NPAS3: variants seen among roughly 807,000 people sequenced by gnomAD.
NPAS3 encodes the protein neuronal PAS domain-containing protein 3.
A neutral mutation model predicts 73.1 loss-of-function variants in NPAS3; 14 were observed. The observed-to-expected ratio is 0.19, with a 90% confidence interval of 0.13 to 0.30. The LOEUF is 0.30. NPAS3 is among the 10% of genes least tolerant of loss of function. The pLI is 1.00. For synonymous variants in NPAS3, 620 were observed against 541.5 expected, an observed-to-expected ratio of 1.14 and a Z score of -2.01; for missense variants, 1,096 against 1,250.0, an observed-to-expected ratio of 0.88 and a Z score of 1.86.
At chr14:33,448,411 A>G (rs925147585) in intron 4 of NPAS3, among the ~76,000 whole-genome samples, 25 of 152,200 alleles carry the variant, frequency 1.6e-4, no homozygotes, top group African/African-American at 6.0e-4. Flanking sequence ...TGAAGATTGG[A>G]AATGGCAACT....
At chr14:32,989,093 G>A (rs950830459) in intron 1 of NPAS3, among the ~76,000 whole-genome samples, 2 of 151,586 alleles carry the variant, frequency 1.3e-5, no homozygotes, top group Admixed American at 6.5e-5. Context: ...TGCTGTGGAA[G>A]AGGTAGGTAG....
chr14:33,552,081 C>T (rs905977935), intron 4 of NPAS3, among the ~76,000 whole-genome samples: 8 of 152,188 alleles, frequency 5.3e-5, no homozygotes, highest in Non-Finnish European at 1.2e-4. Flanking sequence ...TGTCTCACTC[C>T]CCTTTGTGAA....
At chr14:33,725,284 T>A (rs2061234253) in intron 6 of NPAS3, among the ~76,000 whole-genome samples, 1 of 151,840 alleles carries the variant, frequency 6.6e-6, no homozygotes, top group African/African-American at 2.4e-5. Context: ...TAAATAAATA[T>A]AAAAAATAAA....
chr14:33,612,443 T>G (rs982261127), intron 5 of NPAS3: 3 of 455,902 alleles, frequency 6.6e-6, no homozygotes, highest in African/African-American at 6.0e-5. Flanking sequence ...CACATCGACG[T>G]CCAAGCAGAT....
intron 4 of NPAS3, among the ~76,000 whole-genome samples, chr14:33,530,340 A>G (rs2140170214): frequency 6.6e-6 from 1 of 152,280 alleles, no homozygotes; most frequent in South Asian, 2.1e-4. Flanking sequence ...AGTTAGATCC[A>G]AAGCAATTTT....
intron 2 of NPAS3, among the ~76,000 whole-genome samples, chr14:33,080,894 G>A (rs1321185832): frequency 6.6e-6 from 1 of 152,166 alleles, no homozygotes; most frequent in African/African-American, 2.4e-5. Context: ...AGAGAATGTT[G>A]TTCTTTCTTT....
At chr14:33,793,208 G>A (rs373904318) in intron 9 of NPAS3, among the ~76,000 whole-genome samples, 4 of 152,316 alleles carry the variant, frequency 2.6e-5, no homozygotes, top group Non-Finnish European at 5.9e-5. Flanking sequence ...GAGTCTGTGT[G>A]GAGCTGTCAC....
chr14:33,698,798 T>TA (rs2060454757), intron 6 of NPAS3, among the ~76,000 whole-genome samples: 1 of 152,166 alleles, frequency 6.6e-6, no homozygotes, highest in South Asian at 2.1e-4. Flanking sequence ...AATTGATCTA[T>TA]AGTTAATCAA....
intron 3 of NPAS3, among the ~76,000 whole-genome samples, chr14:33,336,755 A>G (rs777330573): frequency 1.7e-4 from 26 of 152,194 alleles, no homozygotes; most frequent in Non-Finnish European, 3.5e-4. Flanking sequence ...GAGGAGATGT[A>G]CATGATCTGT....
intron 2 of NPAS3, among the ~76,000 whole-genome samples, chr14:33,165,954 TAGA>T (rs150089374): frequency 1.0e-3 from 156 of 152,308 alleles, no homozygotes; most frequent in African/African-American, 3.6e-3. Context: ...CTTATGTTAA[TAGA>T]AGAATTGTCC....
At chr14:33,220,127 T>C (rs1229412365) in intron 3 of NPAS3, among the ~76,000 whole-genome samples, 1 of 152,224 alleles carries the variant, frequency 6.6e-6, no homozygotes, top group Non-Finnish European at 1.5e-5. Flanking sequence ...ACTGTACACC[T>C]TAGCTTCTGA....
chr14:33,294,346 CAT>C (rs1491261083), intron 3 of NPAS3, among the ~76,000 whole-genome samples: 1 of 152,174 alleles, frequency 6.6e-6, no homozygotes, highest in African/African-American at 2.4e-5. Flanking sequence ...CCCAGGGCCT[CAT>C]TTTTTTGACC....
chr14:33,723,474 T>C (rs72664547), intron 6 of NPAS3, among the ~76,000 whole-genome samples: 49,244 of 152,034 alleles, frequency 0.32, 10,119 homozygotes, highest in Non-Finnish European at 0.47. Flanking sequence ...GCAAGGTTAA[T>C]TGGGAGTAAA....
At chr14:33,417,592 A>G (rs1398502635) in intron 4 of NPAS3, among the ~76,000 whole-genome samples, 1 of 152,088 alleles carries the variant, frequency 6.6e-6, no homozygotes, top group Non-Finnish European at 1.5e-5. Context: ...TGAGGAATAA[A>G]TGCACCAAAT....
intron 7 of NPAS3, among the ~76,000 whole-genome samples, chr14:33,737,287 C>A (rs554832601): frequency 1.3e-5 from 2 of 152,160 alleles, no homozygotes; most frequent in Admixed American, 1.3e-4. Flanking sequence ...GAGAAGGGAC[C>A]ATCATGCAAA....
intron 5 of NPAS3, among the ~76,000 whole-genome samples, chr14:33,637,164 T>C (rs1296521082): frequency 2.0e-5 from 3 of 152,150 alleles, no homozygotes; most frequent in Non-Finnish European, 4.4e-5. Flanking sequence ...GAAAAATGAG[T>C]TCCCCATAAT....
At chr14:33,333,576 T>A (rs1033671098) in intron 3 of NPAS3, among the ~76,000 whole-genome samples, 1 of 125,254 alleles carries the variant, frequency 8.0e-6, no homozygotes, top group Non-Finnish European at 1.8e-5. Flanking sequence ...AAACTGAGAC[T>A]CATACCCAGA....
chr14:33,369,858 A>G (rs772024423), intron 4 of NPAS3, among the ~76,000 whole-genome samples: 1 of 152,154 alleles, frequency 6.6e-6, no homozygotes, highest in Admixed American at 6.5e-5. Flanking sequence ...CCATAAGCCT[A>G]TGTCTGTACC....
At chr14:33,015,094 G>T (rs1481187670) in intron 1 of NPAS3, among the ~76,000 whole-genome samples, 1 of 152,216 alleles carries the variant, frequency 6.6e-6, no homozygotes, top group African/African-American at 2.4e-5. Context: ...GAGAATTAAT[G>T]ACTGGTCTGT....
Sources: allele counts gnomAD v4.1 joint callset (sites outside exome capture counted in the v4.1 genomes callset), GRCh38; gene constraint gnomAD v4.1.1; transcripts MANE v1.5; gene names NCBI Gene and HGNC (gene_info 2026-07-23, HGNC 2026-07-21).